The following SH3RF3 variants were observed in gnomAD, a reference collection of about 807,000 sequenced individuals.
SH3RF3 encodes the protein SH3 domain containing ring finger 3, also known as E3 ubiquitin-protein ligase SH3RF3.
Under a neutral mutation model 66.3 loss-of-function variants are expected in SH3RF3, and 29 were observed. The ratio of observed to expected loss-of-function variants is 0.44; its 90% confidence interval spans 0.33 to 0.60. SH3RF3 has a LOEUF of 0.60. Ranked by LOEUF, SH3RF3 falls within the 20% of genes least tolerant of loss-of-function variation. The probability of loss-of-function intolerance (pLI) is 0.04; values close to 1 mark genes in which losing one functional copy is unlikely to be tolerated. For missense variants in SH3RF3, 1,194 were observed against 1,190.9 expected (o/e 1.00, Z -0.04); for synonymous variants, 583 against 532.0 (o/e 1.10, Z -1.32).
At chr2:109,306,154 G>A (rs765800342) in intron 1 of SH3RF3, among the ~76,000 whole-genome samples, 17 of 152,174 alleles carry the variant, frequency 1.1e-4, no homozygotes, top group Non-Finnish European at 2.2e-4. Context: ...TTGTCAACAC[G>A]TCGCTTATAG....
chr2:109,148,842 G>GT (rs35176758), intron 1 of SH3RF3, among the ~76,000 whole-genome samples: 2 of 151,566 alleles, frequency 1.3e-5, no homozygotes, highest in South Asian at 2.1e-4. Context: ...TCATGGCAGT[G>GT]TTTTTTTTTA....
intron 4 of SH3RF3, among the ~76,000 whole-genome samples, chr2:109,414,501 C>A (rs984320935): frequency 6.6e-6 from 1 of 152,124 alleles, no homozygotes; most frequent in African/African-American, 2.4e-5. Flanking sequence ...TCAATGGACA[C>A]GAGGAGCAAT....
chr2:109,316,924 T>C (rs1279125115), intron 1 of SH3RF3, among the ~76,000 whole-genome samples: 1 of 152,180 alleles, frequency 6.6e-6, no homozygotes, highest in Non-Finnish European at 1.5e-5. Flanking sequence ...CAGACTGGCT[T>C]CTCTCTCTTA....
chr2:109,156,018 A>C (rs113973793), intron 1 of SH3RF3, among the ~76,000 whole-genome samples: 305 of 152,264 alleles, frequency 2.0e-3, no homozygotes, highest in African/African-American at 6.5e-3. Context: ...CATGCTTCCC[A>C]CTGGGGTCAT....
chr2:109,293,575 G>A lies in SH3RF3; in HGVS notation c.574-54099G>A, dbSNP rs1681237299. 2.0e-5 allele frequency among the ~76,000 whole-genome samples: 3 copies of A among 152,216 alleles called. No individual in the cohort carries two copies. In the South Asian group the frequency reaches 6.2e-4, roughly 31 times the overall value. ...ACCACTAGAAAACAAAGGGTGTGAA[G>A]CCCATGCCAACCTGGGAAGCCTCTT... On this transcript the variant is annotated intron_variant, in intron 1 of 9. Transcript: ENST00000309415.
At chr2:109,201,467 T>A (rs1039245537) in intron 1 of SH3RF3, among the ~76,000 whole-genome samples, 1 of 152,116 alleles carries the variant, frequency 6.6e-6, no homozygotes, top group South Asian at 2.1e-4. Context: ...GTCCCACCTC[T>A]CTCTCTCTTA....
chr2:109,138,785 C>A (rs912018873), intron 1 of SH3RF3, among the ~76,000 whole-genome samples: 1 of 152,202 alleles, frequency 6.6e-6, no homozygotes, highest in Admixed American at 6.5e-5. Context: ...AAGACTGGCC[C>A]AGAACGAGTG....
At chr2:109,449,606 C>T (rs1028069194) in intron 8 of SH3RF3, 117 bp downstream of exon 8, 1 of 1,312,192 alleles carries the variant, frequency 7.6e-7, no homozygotes, top group African/African-American at 1.5e-5. Flanking sequence ...GCTCCAAGTG[C>T]CTGCCCCTAG....
chr2:109,263,137 C>T (rs1680400367), intron 1 of SH3RF3, among the ~76,000 whole-genome samples: 1 of 152,216 alleles, frequency 6.6e-6, no homozygotes, highest in Admixed American at 6.5e-5. Context: ...TGAGCCACCA[C>T]GCCCAGCCGC....
At chr2:109,498,973 A>G (rs1334276264) in intron 9 of SH3RF3, among the ~76,000 whole-genome samples, 2 of 152,134 alleles carry the variant, frequency 1.3e-5, no homozygotes, top group Non-Finnish European at 2.9e-5. Flanking sequence ...GGAAGGGCGC[A>G]GTGTGGAGGG....
chr2:109,447,379 G>A (rs1418952809), intron 7 of SH3RF3, among the ~76,000 whole-genome samples: 1 of 152,034 alleles, frequency 6.6e-6, no homozygotes, highest in African/African-American at 2.4e-5. Context: ...TACTTCCCGT[G>A]GCCTCCAAAC....
At chr2:109,398,555 T>G (rs1298805767) in intron 3 of SH3RF3, 35 bp from the exon 4 acceptor site, 2 of 1,507,444 alleles carry the variant, frequency 1.3e-6, no homozygotes, top group Non-Finnish European at 1.8e-6. Flanking sequence ...TGACCATGAT[T>G]TAATGCAGCC....
At chr2:109,460,805 T>C (rs1678190751) in intron 8 of SH3RF3, among the ~76,000 whole-genome samples, 1 of 152,198 alleles carries the variant, frequency 6.6e-6, no homozygotes, top group African/African-American at 2.4e-5. Flanking sequence ...ACAATCACAC[T>C]TCTAGCCACT....
At chr2:109,494,422 G>A (rs886664955) in intron 9 of SH3RF3, among the ~76,000 whole-genome samples, 1 of 152,188 alleles carries the variant, frequency 6.6e-6, no homozygotes, top group African/African-American at 2.4e-5. Flanking sequence ...GCCACAGGCT[G>A]CCTGGTATCC....
chr2:109,207,359 C>T (rs1183553314), intron 1 of SH3RF3, among the ~76,000 whole-genome samples: 2 of 152,034 alleles, frequency 1.3e-5, no homozygotes, highest in Non-Finnish European at 2.9e-5. Context: ...CTCTTTGTCT[C>T]TGGGGGAGGG....
At chr2:109,419,428 A>G (rs1489086004) in intron 4 of SH3RF3, 111 bp from the exon 5 acceptor site, 7 of 1,153,958 alleles carry the variant, frequency 6.1e-6, no homozygotes, top group Admixed American at 4.2e-5. Context: ...CCAAACAGCC[A>G]GGCAGCTGGC....
intron 1 of SH3RF3, among the ~76,000 whole-genome samples, chr2:109,304,680 C>T (rs924541312): frequency 6.6e-5 from 10 of 152,168 alleles, no homozygotes; most frequent in Admixed American, 6.6e-5. Flanking sequence ...TTGATTTCTC[C>T]GTCTCACTAG....
chr2:109,355,397 G>A (rs1682928710), intron 2 of SH3RF3, among the ~76,000 whole-genome samples: 1 of 152,144 alleles, frequency 6.6e-6, no homozygotes, highest in Non-Finnish European at 1.5e-5. Context: ...TGGTGGACTA[G>A]GACTCTCTGA....
intron 5 of SH3RF3, among the ~76,000 whole-genome samples, chr2:109,424,650 C>T (rs1157039116): frequency 6.6e-6 from 1 of 152,094 alleles, no homozygotes; most frequent in Non-Finnish European, 1.5e-5. Context: ...TGATTTTTGG[C>T]GTTACTGTTA....
Sources: gnomAD v4.1 joint callset for allele counts (sites outside exome capture counted in the v4.1 genomes callset) on GRCh38, gnomAD v4.1.1 for gene constraint, MANE v1.5 for transcripts, NCBI Gene and HGNC (gene_info 2026-07-23, HGNC 2026-07-21) for gene names.